Variants in RNF145 observed in about 807,000 individuals in gnomAD.
The protein encoded by RNF145 is ring finger protein 145.
A neutral mutation model predicts 57.3 loss-of-function variants in RNF145; 12 were observed. That is an observed-to-expected ratio of 0.21 (90% CI 0.13 to 0.34). The LOEUF (loss-of-function observed/expected upper bound fraction) is 0.34. Ranked by LOEUF, RNF145 falls within the 10% of genes least tolerant of loss-of-function variation. RNF145 has a pLI of 1.00. For missense variants in RNF145, 429 were observed against 799.0 expected (o/e 0.54, Z 5.58); for synonymous variants, 262 against 288.3 (o/e 0.91, Z 0.92).
At chr5:159,202,610 C>T (rs950490383) in intron 2 of RNF145, among the ~76,000 whole-genome samples, 14 of 152,110 alleles carry the variant, frequency 9.2e-5, no homozygotes, top group African/African-American at 3.4e-4. Context: ...GACAACTCTT[C>T]ATGACTTTAT....
chr5:159,162,582 C>A (rs1340367655), intron 9 of RNF145, among the ~76,000 whole-genome samples: 2 of 151,394 alleles, frequency 1.3e-5, no homozygotes, highest in Non-Finnish European at 2.9e-5. Context: ...CTACAGGCGC[C>A]CGCCACCGCG....
At position 159,209,294 on chromosome 5, in the gene RNF145, G is replaced by A; in HGVS notation, c.-103C>T. On this transcript the variant is annotated 5_prime_UTR_variant, in exon 1 of 11. Coordinates refer to ENST00000424310, the MANE Select transcript of RNF145 (RefSeq NM_001199383.2). ...CGGCGGGCGGGCTCCGCAACTCCCC[G>A]GCTCTCTCGCCCGCCCTCCCGTTCT... 3 of 985,372 alleles carry A rather than the reference G, an allele frequency of 3.0e-6. No individual in the cohort carries two copies. Among genetic ancestry groups the A allele is most frequent in the Non-Finnish European group, 3.6e-6 (3 of 829,902 alleles). 61.0% of individuals were successfully genotyped at this position (985,372 alleles called of 1,614,324 possible).
chr5:159,182,569 C>G (rs1784927236), intron 3 of RNF145, among the ~76,000 whole-genome samples: 1 of 152,048 alleles, frequency 6.6e-6, no homozygotes, highest in African/African-American at 2.4e-5. Flanking sequence ...ATTTTCAACT[C>G]TATATGAAAT....
chr5:159,180,767 C>T (rs926349421), intron 4 of RNF145, among the ~76,000 whole-genome samples: 1 of 151,886 alleles, frequency 6.6e-6, no homozygotes, highest in Non-Finnish European at 1.5e-5. Context: ...TGGTTTGTAC[C>T]AAGTCTTCAA....
intron 4 of RNF145, among the ~76,000 whole-genome samples, chr5:159,179,628 A>G (rs533470206): frequency 5.5e-4 from 83 of 152,260 alleles, no homozygotes; most frequent in Non-Finnish European, 9.9e-4. Context: ...TATGCTTCAT[A>G]TTTATAATAC....
At chr5:159,167,171 G>A (rs936935451) in intron 8 of RNF145, among the ~76,000 whole-genome samples, 1 of 152,112 alleles carries the variant, frequency 6.6e-6, no homozygotes, top group Admixed American at 6.5e-5. Flanking sequence ...AAAACATACT[G>A]GCATGTAGCT....
At chr5:159,162,559 C>A (rs7732652) in intron 9 of RNF145, among the ~76,000 whole-genome samples, 50,684 of 150,886 alleles carry the variant, frequency 0.34, 9,167 homozygotes, top group South Asian at 0.44. Flanking sequence ...CTCAGCCTCC[C>A]GAGTAGCTGG....
chr5:159,182,295 T>C (rs900260318), intron 3 of RNF145, among the ~76,000 whole-genome samples: 2 of 152,122 alleles, frequency 1.3e-5, no homozygotes, highest in Non-Finnish European at 2.9e-5. Flanking sequence ...TATGAAATTT[T>C]CTTTCTTTTC....
At chr5:159,204,760 C>G (rs943746899) in intron 1 of RNF145, among the ~76,000 whole-genome samples, 3 of 112,286 alleles carry the variant, frequency 2.7e-5, no homozygotes, top group African/African-American at 7.0e-5. Flanking sequence ...GCAGAGATCA[C>G]AATACTGCAC....
At position 159,209,293 on chromosome 5, in the gene RNF145, C is replaced by T; in HGVS notation, c.-102G>A. The T allele has an allele frequency of 2.0e-6, 2 of 985,394 alleles. No homozygotes were observed. The highest frequency in any genetic ancestry group is 1.1e-4 in the East Asian group (1 of 8,762). The allele number at this position is 985,394 out of a possible 1,614,324, so 61.0% of individuals were successfully genotyped here. ...CCGGCGGGCGGGCTCCGCAACTCCCCGGCTCTCTCGCCCGCCCTCCCGTTC... is the reference window on the plus strand; with the variant it reads ...CCGGCGGGCGGGCTCCGCAACTCCCTGGCTCTCTCGCCCGCCCTCCCGTTC... On this transcript the variant is annotated 5_prime_UTR_variant, in exon 1 of 11. Transcript: ENST00000424310.
intron 4 of RNF145, among the ~76,000 whole-genome samples, 178 bp downstream of exon 4, chr5:159,181,782 C>A (rs1784902168): frequency 6.7e-6 from 1 of 150,146 alleles, no homozygotes; most frequent in African/African-American, 2.5e-5. Flanking sequence ...ATAATCTATA[C>A]ATGGGGAAAA....
At chr5:159,178,073 T>C (rs73305791) in intron 4 of RNF145, among the ~76,000 whole-genome samples, 2,164 of 152,130 alleles carry the variant, frequency 0.014, 50 homozygotes, top group African/African-American at 0.048. Context: ...GTATTGAAAA[T>C]AGTCAAACCA....
chr5:159,187,266 G>C (rs1216604778), intron 3 of RNF145, among the ~76,000 whole-genome samples: 1 of 151,564 alleles, frequency 6.6e-6, no homozygotes, highest in African/African-American at 2.4e-5. Flanking sequence ...TGGGCAACAA[G>C]AGCAAAACTC....
intron 6 of RNF145, 45 bp from the exon 7 acceptor site, chr5:159,169,864 T>C (rs960132636): frequency 6.5e-7 from 1 of 1,527,700 alleles, no homozygotes; most frequent in African/African-American, 1.4e-5. Context: ...ACTTTCCATT[T>C]GGAGTAAACA....
In RNF145 at chr5:159,181,891, G is replaced by A; in HGVS notation, c.385+69C>T. On this transcript the variant is annotated intron_variant, in intron 4 of 10. Coordinates refer to ENST00000424310, the MANE Select transcript of RNF145 (RefSeq NM_001199383.2). ...TTCCGTTTTAAAAAAAAATGAGTAT[G>A]CATGAATTTTATAAGTTAGTAAGAC... 6 of 849,596 alleles carry A rather than the reference G, an allele frequency of 7.1e-6. No homozygotes were observed. The South Asian group carries it at 9.2e-5, about 13-fold the overall frequency. 52.6% of individuals were successfully genotyped at this position (849,596 alleles called of 1,614,324 possible). A position where few individuals can be genotyped will look rare whatever the true frequency, so the allele number is the denominator to read the frequency against.
chr5:159,196,402 T>C (rs1227555142), intron 2 of RNF145, among the ~76,000 whole-genome samples: 2 of 152,166 alleles, frequency 1.3e-5, no homozygotes, highest in Non-Finnish European at 2.9e-5. Flanking sequence ...CACTTTTACT[T>C]GACAATTCTC....
intron 3 of RNF145, among the ~76,000 whole-genome samples, chr5:159,187,696 A>T (rs1785127329): frequency 6.6e-6 from 1 of 152,158 alleles, no homozygotes; most frequent in Non-Finnish European, 1.5e-5. Flanking sequence ...GTCTAGGGAC[A>T]CTTTTTGGTT....
intron 3 of RNF145, among the ~76,000 whole-genome samples, chr5:159,193,102 G>C (rs1785342040): frequency 6.6e-6 from 1 of 152,188 alleles, no homozygotes; most frequent in Non-Finnish European, 1.5e-5. Flanking sequence ...TGGCTCTATG[G>C]AGAGGGATGC....
intron 2 of RNF145, among the ~76,000 whole-genome samples, chr5:159,199,371 A>C (rs1785583828): frequency 7.2e-6 from 1 of 138,156 alleles, no homozygotes; most frequent in South Asian, 2.5e-4. Flanking sequence ...ATGGTCAGGG[A>C]GTTAGGAGAA....
Sources: gnomAD v4.1 joint callset for allele counts (sites outside exome capture counted in the v4.1 genomes callset) on GRCh38, gnomAD v4.1.1 for gene constraint, MANE v1.5 for transcripts, NCBI Gene and HGNC (gene_info 2026-07-23, HGNC 2026-07-21) for gene names.